The following ANKRD28 variants were observed in gnomAD, a reference collection of about 807,000 sequenced individuals.
ANKRD28 encodes the protein serine/threonine-protein phosphatase 6 regulatory ankyrin repeat subunit A.
ANKRD28 carries 44 observed loss-of-function variants against 126.5 expected under a neutral mutation model. That is an observed-to-expected ratio of 0.35 (90% CI 0.27 to 0.45). The LOEUF is 0.45. Among genes scored for constraint, ANKRD28 ranks in the 20% least tolerant of loss-of-function variants. ANKRD28 has a pLI of 1.00. For missense variants in ANKRD28, 1,110 were observed against 1,316.6 expected, an observed-to-expected ratio of 0.84 and a Z score of 2.43; for synonymous variants, 442 against 468.5, an observed-to-expected ratio of 0.94 and a Z score of 0.73.
Position 15,845,815 on chromosome 3 carries a change from G to A in ANKRD28, c.27+13562C>T, listed in dbSNP as rs143714409. ...TGGAGGGCAAAGGGGAAGCAAGCACGTCTTAATATGGTGGAGCAGGAGGTA... is the reference window on the plus strand; with the variant it reads ...TGGAGGGCAAAGGGGAAGCAAGCACATCTTAATATGGTGGAGCAGGAGGTA... On this transcript the variant is annotated intron_variant, in intron 1 of 27. Coordinates refer to the ANKRD28 transcript ENST00000399451. The surrounding 1 kb of genome is among the most constrained non-coding windows in gnomAD (Gnocchi z 4.9). Among the ~76,000 whole-genome samples, 1 of 152,244 alleles carries A rather than the reference G, an allele frequency of 6.6e-6. No homozygotes were observed. Among genetic ancestry groups the A allele is most frequent in the East Asian group, 1.9e-4 (1 of 5,174 alleles).
At chr3:15,782,146 A>G (rs535320981) in intron 2 of ANKRD28, among the ~76,000 whole-genome samples, 201 of 152,180 alleles carry the variant, frequency 1.3e-3, no homozygotes, top group Non-Finnish European at 2.4e-3. Context: ...ACATACCCAC[A>G]AAGAATCTAT....
chr3:15,708,131 T>C (rs1158370956), intron 13 of ANKRD28, 67 bp from the exon 14 acceptor site: 2 of 1,511,908 alleles, frequency 1.3e-6, no homozygotes, highest in African/African-American at 1.4e-5. Context: ...AAAAGCATAG[T>C]TGACTCTTAC....
intron 12 of ANKRD28, among the ~76,000 whole-genome samples, chr3:15,710,822 A>AT (rs920476939): frequency 2.6e-5 from 4 of 151,852 alleles, no homozygotes; most frequent in African/African-American, 7.3e-5. Flanking sequence ...CAAAATGAAC[A>AT]TTTTTTTCCT....
intron 2 of ANKRD28, among the ~76,000 whole-genome samples, chr3:15,773,228 T>C (rs35876857): frequency 0.23 from 35,447 of 151,730 alleles, 5,129 homozygotes; most frequent in Non-Finnish European, 0.32. Context: ...TAGCAATTAA[T>C]AAGTGAAAGT....
rs1305209967 is a variant in ANKRD28, at chr3:15,668,337, A to G, written c.*1933T>C. The G allele has an allele frequency of 1.3e-5, 2 of 152,082 alleles. No homozygotes were observed. The highest frequency in any genetic ancestry group is 2.9e-5 in the Non-Finnish European group (2 of 68,006). 9.4% of individuals were successfully genotyped at this position (152,082 alleles called of 1,614,324 possible). A position where few individuals can be genotyped will look rare whatever the true frequency, so the allele number is the denominator to read the frequency against. On this transcript the variant is annotated 3_prime_UTR_variant, in exon 28 of 28. Transcript: ENST00000683139. ...GGAAAGAGAAAGCACACATATGTATACTTTTAGAATCTGCTTGATTTTTTT... is the reference window on the plus strand; with the variant it reads ...GGAAAGAGAAAGCACACATATGTATGCTTTTAGAATCTGCTTGATTTTTTT...
At position 15,796,728 on chromosome 3, in the gene ANKRD28, A is replaced by G; in HGVS notation, c.-207T>C. ...ACATAATTTGTAACTTCCTAAATATAACGAAATTCTATTATTTCTGTTGGA... is the reference window on the plus strand; with the variant it reads ...ACATAATTTGTAACTTCCTAAATATGACGAAATTCTATTATTTCTGTTGGA... On this transcript the variant is annotated 5_prime_UTR_variant, in exon 1 of 28. Coordinates refer to ENST00000683139, the MANE Select transcript of ANKRD28 (RefSeq NM_001349278.2). The G allele has an allele frequency of 1.0e-6, 1 of 987,358 alleles. No homozygotes were observed. The highest frequency in any genetic ancestry group is 4.3e-5 in the South Asian group (1 of 23,190). The allele number at this position is 987,358 out of a possible 1,614,324, so 61.2% of individuals were successfully genotyped here.
At chr3:15,685,599 G>C (rs964872741) in intron 20 of ANKRD28, among the ~76,000 whole-genome samples, 154 bp from the exon 21 acceptor site, 1 of 152,062 alleles carries the variant, frequency 6.6e-6, no homozygotes, top group African/African-American at 2.4e-5. Flanking sequence ...ATTTTTATTG[G>C]AAGTGGTTTA....
Position 15,674,975 on chromosome 3 carries a change from A to G in ANKRD28, c.2965+923T>C, listed in dbSNP as rs552798443. ...CCTGACTATACGGAAATTAAGAGAG[A>G]ATGGAAGAATGAGGCTGGACGCTGT... On this transcript the variant is annotated intron_variant, in intron 27 of 27. Coordinates refer to ENST00000683139, the MANE Select transcript of ANKRD28 (RefSeq NM_001349278.2). 9.9e-5 allele frequency among the ~76,000 whole-genome samples: 15 copies of G among 152,130 alleles called. No individual in the cohort carries two copies. In the South Asian group the frequency reaches 1.2e-3, roughly 13 times the overall value.
chr3:15,735,601 T>G lies in ANKRD28; in HGVS notation c.553-104A>C, dbSNP rs1004357547. The G allele has an allele frequency of 1.2e-5, 10 of 828,810 alleles. No individual in the cohort carries two copies. In the Admixed American group the frequency reaches 2.3e-4, roughly 19 times the overall value. The allele number at this position is 828,810 out of a possible 1,614,324, so 51.3% of individuals were successfully genotyped here. ...ATCTCAACTTCTCTGGCACTAAATT[T>G]CTGCAGTTGCTGAACAGAAGGAGCT... On this transcript the variant is annotated intron_variant, in intron 5 of 27. Coordinates refer to ENST00000683139, the MANE Select transcript of ANKRD28 (RefSeq NM_001349278.2).
At chr3:15,773,651 T>C (rs2059126076) in intron 2 of ANKRD28, among the ~76,000 whole-genome samples, 1 of 152,080 alleles carries the variant, frequency 6.6e-6, no homozygotes, top group South Asian at 2.1e-4. Flanking sequence ...ATTTGTATGC[T>C]GAAAACTATG....
intron 24 of ANKRD28, 64 bp from the exon 25 acceptor site, chr3:15,677,626 C>T (rs1264492338): frequency 2.4e-6 from 3 of 1,264,326 alleles, no homozygotes; most frequent in Non-Finnish European, 3.4e-6. Context: ...ACCAATAACT[C>T]ACTGTAGAGA....
rs1282301721 is a variant in ANKRD28, at chr3:15,680,778, A to T, written c.2390-1215T>A. Among the ~76,000 whole-genome samples the T allele has an allele frequency of 6.9e-3, 1,048 of 152,042 alleles. 13 individuals are homozygous for T. Among genetic ancestry groups the T allele is most frequent in the African/African-American group, 0.024 (1,002 of 41,454 alleles). On this transcript the variant is annotated intron_variant, in intron 21 of 27. Transcript: ENST00000683139. Reference sequence around the variant, plus strand: ...CCTCCTGGGCTCAAGTGATCCTCCCACCTCAGCCTCCTGAGTTGCTAAGAC... The same window carrying T: ...CCTCCTGGGCTCAAGTGATCCTCCCTCCTCAGCCTCCTGAGTTGCTAAGAC...
At position 15,843,695 on chromosome 3, in the gene ANKRD28, AAG is replaced by A. The variant is rs1348770136; in HGVS notation, c.27+15680_27+15681del. ...ATGGGTAAAAAAAATGAATACAAAT[AAG>A]AGATAAACAATACATCTAAATTTCA... On this transcript the variant is annotated intron_variant, in intron 1 of 27. Coordinates refer to the ANKRD28 transcript ENST00000399451. The surrounding 1 kb of genome is among the most constrained non-coding windows in gnomAD (Gnocchi z 5.2). Among the ~76,000 whole-genome samples the A allele has an allele frequency of 1.3e-5, 2 of 152,198 alleles. No homozygotes were observed. Among genetic ancestry groups the A allele is most frequent in the Non-Finnish European group, 2.9e-5 (2 of 68,040 alleles).
At chr3:15,721,195 T>C in intron 7 of ANKRD28, 68 bp from the exon 8 acceptor site, 1 of 1,363,628 alleles carries the variant, frequency 7.3e-7, no homozygotes, top group Non-Finnish European at 1.0e-6. Context: ...TGAGCTATTT[T>C]AGCAACCTGT....
chr3:15,754,847 T>C (rs915175045), intron 3 of ANKRD28, among the ~76,000 whole-genome samples: 1 of 152,210 alleles, frequency 6.6e-6, no homozygotes, highest in South Asian at 2.1e-4. Flanking sequence ...CCGGGTGCAG[T>C]GGCTCACGCC....
intron 2 of ANKRD28, among the ~76,000 whole-genome samples, chr3:15,771,663 C>A (rs1028661799): frequency 5.3e-5 from 8 of 152,164 alleles, no homozygotes; most frequent in South Asian, 2.1e-4. Context: ...ATGATCCAAA[C>A]ATTTCCCATT....
intron 17 of ANKRD28, among the ~76,000 whole-genome samples, chr3:15,691,370 G>A (rs957260709): frequency 1.5e-4 from 23 of 152,010 alleles, no homozygotes; most frequent in Non-Finnish European, 2.5e-4. Flanking sequence ...TGATCCGCCC[G>A]CCTCGGCCTC....
intron 1 of ANKRD28, among the ~76,000 whole-genome samples, chr3:15,858,440 T>C (rs1475078054): frequency 6.6e-6 from 1 of 152,210 alleles, no homozygotes; most frequent in Non-Finnish European, 1.5e-5. Flanking sequence ...TATTAAGTAA[T>C]ATAAAAAATA....
chr3:15,765,640 G>T (rs748412079), intron 3 of ANKRD28, among the ~76,000 whole-genome samples: 72 of 152,068 alleles, frequency 4.7e-4, no homozygotes, highest in Non-Finnish European at 6.0e-4. Flanking sequence ...AGGAGATCGA[G>T]ATCATCCTGG....
Sources: gnomAD v4.1 joint callset for allele counts (sites outside exome capture counted in the v4.1 genomes callset) on GRCh38, gnomAD v4.1.1 for gene constraint, Gnocchi (gnomAD v3.1) non-coding constraint, MANE v1.5 for transcripts, NCBI Gene and HGNC (gene_info 2026-07-23, HGNC 2026-07-21) for gene names.